The following SEC63 variants were observed in gnomAD, a reference collection of about 807,000 sequenced individuals.
SEC63 encodes the protein SEC63 protein translocation regulator.
A neutral mutation model predicts 116.2 loss-of-function variants in SEC63; 56 were observed. The observed-to-expected ratio is 0.48, with a 90% CI of 0.39 to 0.60. The LOEUF (loss-of-function observed/expected upper bound fraction) is 0.60. SEC63 is among the 20% of genes least tolerant of loss of function. SEC63 has a pLI of 0.00. For missense variants in SEC63, 668 were observed against 900.0 expected, an observed-to-expected ratio of 0.74 and a Z score of 3.30; for synonymous variants, 273 against 294.6, an observed-to-expected ratio of 0.93 and a Z score of 0.75.
Position 107,929,507 on chromosome 6 carries a change from A to C in SEC63, c.132T>G (p.Ile44Met). The change falls in exon 2 of 21, where the codon ATT (isoleucine) becomes ATG (methionine). Residue 44 changes from isoleucine (I) to methionine (M), a missense_variant. Around this residue, in one of 5 missense-constraint regions of SEC63, gnomAD observed 142 missense variants for 169.5 expected, o/e 0.84. Transcript: ENST00000369002. Reference sequence around the variant, plus strand: ...ATACTTTTCTGATATTCTTTAATCGAATTTGCTCTGTCAAGAAAGAAAAAT... The same window carrying C: ...ATACTTTTCTGATATTCTTTAATCGCATTTGCTCTGTCAAGAAAGAAAAAT... ...LWPRDQNAEQ[I>M]RLKNIRKVYG... is the part of the protein sequence containing the mutation. 1 of 1,586,196 alleles carries C rather than the reference A, an allele frequency of 6.3e-7. No individual in the cohort carries two copies. The highest frequency in any genetic ancestry group is 8.7e-7 in the Non-Finnish European group (1 of 1,155,088).
At position 107,913,353 on chromosome 6, in the gene SEC63, T is replaced by C. The variant is rs377158177; in HGVS notation, c.514+13A>G. 1.9e-6 allele frequency: 3 copies of C among 1,540,054 alleles called. No individual in the cohort carries two copies. Among genetic ancestry groups the C allele is most frequent in the East Asian group, 2.2e-5 (1 of 44,486 alleles). On this transcript the variant is annotated intron_variant, in intron 5 of 20. Coordinates refer to ENST00000369002, the MANE Select transcript of SEC63 (RefSeq NM_007214.5). ...CCATATCGCCAATATTTTAAAATCATCATTTACCACACCTTGAGGCCCATC... is the reference window on the plus strand; with the variant it reads ...CCATATCGCCAATATTTTAAAATCACCATTTACCACACCTTGAGGCCCATC...
intron 16 of SEC63, among the ~76,000 whole-genome samples, chr6:107,887,555 A>G (rs1297052487): frequency 1.3e-5 from 2 of 149,024 alleles, no homozygotes; most frequent in African/African-American, 5.0e-5. Flanking sequence ...CAATGAGATC[A>G]CATGGACACA....
chr6:107,912,791 A>G lies in SEC63; in HGVS notation c.515-17T>C. 1 of 1,593,720 alleles carries G rather than the reference A, an allele frequency of 6.3e-7. No homozygotes were observed. The highest frequency in any genetic ancestry group is 8.6e-7 in the Non-Finnish European group (1 of 1,162,372). ...AGCTTGTGGCTGAAATAGAAAAAAT[A>G]TCAGTTTCTGAAGAATCTCTACTTT... On this transcript the variant is annotated splice_polypyrimidine_tract_variant and intron_variant, in intron 5 of 20. Coordinates refer to ENST00000369002, the MANE Select transcript of SEC63 (RefSeq NM_007214.5).
At position 107,935,664 on chromosome 6, in the gene SEC63, G is replaced by A. The variant is rs531638316; in HGVS notation, c.125-6150C>T. ...GACACAAACACTGCGGAAGGCCGCA[G>A]GGTCCTCTGCCTAGGAAAACCAGAG... is the stretch of plus-strand genomic sequence containing the variant. On this transcript the variant is annotated intron_variant, in intron 1 of 20. Transcript: ENST00000369002. 4.1e-4 allele frequency among the ~76,000 whole-genome samples: 61 copies of A among 147,618 alleles called. 1 individual carries two copies. Among genetic ancestry groups the A allele is most frequent in the Non-Finnish European group, 1.5e-5 (1 of 66,916 alleles).
At chr6:107,903,396 A>C (rs1787054463) in intron 11 of SEC63, among the ~76,000 whole-genome samples, 1 of 141,580 alleles carries the variant, frequency 7.1e-6, no homozygotes, top group African/African-American at 2.7e-5. Context: ...CTTCCATACC[A>C]AAAAAAAAAA....
At chr6:107,921,933 ACAAGCTTTCTGTTAGC>A in intron 3 of SEC63, 24 bp from the exon 4 acceptor site, 2 of 1,340,210 alleles carry the variant, frequency 1.5e-6, no homozygotes, top group Non-Finnish European at 2.1e-6. Context: ...AAAAAAAAAA[ACAAGCTTTCTGTTAGC>A]AAAAATAAGC....
chr6:107,880,333 T>C (rs531236646), intron 18 of SEC63, among the ~76,000 whole-genome samples: 23 of 152,342 alleles, frequency 1.5e-4, no homozygotes, highest in African/African-American at 4.1e-4. Flanking sequence ...ACACAAGTGG[T>C]GAGCAGAAGG....
intron 6 of SEC63, among the ~76,000 whole-genome samples, chr6:107,911,607 A>C (rs773861845): frequency 6.6e-6 from 1 of 152,234 alleles, no homozygotes; most frequent in Non-Finnish European, 1.5e-5. Context: ...CATGGGTTAC[A>C]TAACTTGTCC....
At chr6:107,941,077 A>G (rs1242073493) in intron 1 of SEC63, among the ~76,000 whole-genome samples, 2 of 152,176 alleles carry the variant, frequency 1.3e-5, no homozygotes, top group African/African-American at 2.4e-5. Context: ...CTTAACATAC[A>G]AGGATGTATG....
At chr6:107,936,473 A>C (rs1770245924) in intron 1 of SEC63, among the ~76,000 whole-genome samples, 1 of 152,238 alleles carries the variant, frequency 6.6e-6, no homozygotes, top group Non-Finnish European at 1.5e-5. Context: ...GTTCACTTAT[A>C]AACTTCTTGC....
chr6:107,910,719 G>A (rs1787263546), intron 7 of SEC63, among the ~76,000 whole-genome samples: 1 of 151,898 alleles, frequency 6.6e-6, no homozygotes, highest in African/African-American at 2.4e-5. Flanking sequence ...ACACACATAT[G>A]TATACATATG....
At chr6:107,940,026 T>C (rs1046340256) in intron 1 of SEC63, among the ~76,000 whole-genome samples, 6 of 152,184 alleles carry the variant, frequency 3.9e-5, no homozygotes, top group African/African-American at 1.4e-4. Context: ...TAAGATTACA[T>C]ATTGTTCACC....
chr6:107,940,011 C>T (rs1770339971), intron 1 of SEC63, among the ~76,000 whole-genome samples: 1 of 152,118 alleles, frequency 6.6e-6, no homozygotes, highest in South Asian at 2.1e-4. Context: ...GGAATATAGG[C>T]TTCATAAGAT....
chr6:107,889,376 T>C (rs1459999022), intron 16 of SEC63, among the ~76,000 whole-genome samples: 3 of 152,124 alleles, frequency 2.0e-5, no homozygotes, highest in East Asian at 1.9e-4. Flanking sequence ...AGTTTATTTA[T>C]GTAGAGGTGT....
In SEC63 at chr6:107,902,987, G is replaced by A. The variant is rs747325227; in HGVS notation, c.1066C>T (p.Arg356Cys). The A allele has an allele frequency of 1.2e-5, 19 of 1,613,862 alleles. No individual in the cohort carries two copies. In the East Asian group the frequency reaches 1.8e-4, roughly 15 times the overall value. ...TCTAGGGATGCCAAAGTTGGAGCAC[G>A]AAACTCCCTTTCTTAGAAAGAACAG... is the stretch of plus-strand genomic sequence containing the variant. ...MARNREEREF[R>C]APTLASLENC... Residue 356 changes from arginine (R) to cysteine (C), a missense_variant, in exon 12 of 21, where the codon CGT becomes TGT. Physicochemically the swap from Arg to Cys is radical, Grantham distance 180. This residue lies in a region of SEC63 where 430 missense variants were observed against 557.5 expected (regional missense o/e 0.77). Coordinates refer to ENST00000369002, the MANE Select transcript of SEC63 (RefSeq NM_007214.5).
Position 107,870,097 on chromosome 6 carries a change from C to T in SEC63, c.*1607G>A, listed in dbSNP as rs1786094825. ...GGTAATCAGTAGCTGCCTCAAGACACTGGTGCTTCACAGCAGAACCTGATT... is the reference window on the plus strand; with the variant it reads ...GGTAATCAGTAGCTGCCTCAAGACATTGGTGCTTCACAGCAGAACCTGATT... On this transcript the variant is annotated 3_prime_UTR_variant, in exon 21 of 21. Coordinates refer to ENST00000369002, the MANE Select transcript of SEC63 (RefSeq NM_007214.5). The T allele has an allele frequency of 6.6e-6, 1 of 152,336 alleles. No individual in the cohort carries two copies. The highest frequency in any genetic ancestry group is 1.5e-5 in the Non-Finnish European group (1 of 68,026). 9.4% of individuals were successfully genotyped at this position (152,336 alleles called of 1,614,324 possible). A position where few individuals can be genotyped will look rare whatever the true frequency, so the allele number is the denominator to read the frequency against.
chr6:107,902,607 T>C (rs1477763758), intron 12 of SEC63, among the ~76,000 whole-genome samples: 2 of 152,162 alleles, frequency 1.3e-5, no homozygotes, highest in African/African-American at 4.8e-5. Flanking sequence ...CTGTTGACTT[T>C]TTAAATGCAA....
At chr6:107,947,675 T>C (rs927621352) in intron 1 of SEC63, among the ~76,000 whole-genome samples, 2 of 152,202 alleles carry the variant, frequency 1.3e-5, no homozygotes, top group Admixed American at 1.3e-4. Flanking sequence ...TAAGTAATCC[T>C]AGAAATGAGT....
intron 2 of SEC63, among the ~76,000 whole-genome samples, chr6:107,926,959 T>A (rs1206839498): frequency 1.3e-5 from 2 of 152,142 alleles, no homozygotes; most frequent in African/African-American, 4.8e-5. Context: ...ACATAACGGA[T>A]CACATCATGC....
Sources: allele counts gnomAD v4.1 joint callset (sites outside exome capture counted in the v4.1 genomes callset), GRCh38; gene constraint gnomAD v4.1.1; regional missense constraint gnomAD v4.1.1; transcripts MANE v1.5; gene names NCBI Gene and HGNC (gene_info 2026-07-23, HGNC 2026-07-21).